Variants in CNTN4 observed in about 807,000 individuals in gnomAD.
The protein encoded by CNTN4 is contactin 4.
In CNTN4, 77 loss-of-function variants were observed where a neutral mutation model predicts 122.5. The observed-to-expected ratio is 0.63, with a 90% CI of 0.52 to 0.76. The LOEUF is 0.76. CNTN4 is among the 30% of genes least tolerant of loss of function. CNTN4 has a pLI of 0.00. For synonymous variants in CNTN4, 512 were observed against 447.0 expected, an observed-to-expected ratio of 1.15 and a Z score of -1.83; for missense variants, 1,256 against 1,259.1, an observed-to-expected ratio of 1.00 and a Z score of 0.04.
At chr3:2,142,695 A>G (rs537411904) in intron 2 of CNTN4, among the ~76,000 whole-genome samples, 1 of 152,294 alleles carries the variant, frequency 6.6e-6, no homozygotes, top group Admixed American at 6.5e-5. Context: ...ATTACCAGTT[A>G]ACAAACTACT....
chr3:2,895,816 C>T (rs898577143), intron 10 of CNTN4, among the ~76,000 whole-genome samples: 3 of 152,146 alleles, frequency 2.0e-5, no homozygotes, highest in Admixed American at 6.5e-5. Flanking sequence ...GGGCGGATCA[C>T]AAGGTCAGGA....
chr3:2,411,536 T>C (rs2047227764), intron 3 of CNTN4, among the ~76,000 whole-genome samples: 1 of 152,280 alleles, frequency 6.6e-6, no homozygotes, highest in Admixed American at 6.5e-5. Flanking sequence ...CCCTGTTTAG[T>C]TTTTTGGAAT....
intron 8 of CNTN4, among the ~76,000 whole-genome samples, chr3:2,868,880 A>G (rs1361147856): frequency 1.3e-5 from 2 of 152,172 alleles, no homozygotes; most frequent in Non-Finnish European, 1.5e-5. Context: ...TTAGACAGCC[A>G]TGGAAAGCCT....
At chr3:2,638,568 G>A (rs549653431) in intron 4 of CNTN4, among the ~76,000 whole-genome samples, 4 of 151,596 alleles carry the variant, frequency 2.6e-5, no homozygotes, top group African/African-American at 9.7e-5. Context: ...AATAAACTTT[G>A]ATACTTACCT....
chr3:2,575,981 C>T (rs923048165), intron 4 of CNTN4, among the ~76,000 whole-genome samples: 5 of 151,760 alleles, frequency 3.3e-5, no homozygotes, highest in Admixed American at 6.6e-5. Flanking sequence ...ACTACAGGCA[C>T]ATGCCACCAT....
chr3:2,785,902 C>CCCT (rs1293271501), intron 6 of CNTN4, among the ~76,000 whole-genome samples: 6 of 129,458 alleles, frequency 4.6e-5, no homozygotes, highest in Non-Finnish European at 8.4e-5. Context: ...GCTGCCCCCC[C>CCCT]CCGCCCCCCC....
At chr3:2,947,734 A>G (rs1208315507) in intron 13 of CNTN4, among the ~76,000 whole-genome samples, 8 of 152,258 alleles carry the variant, frequency 5.3e-5, no homozygotes, top group Non-Finnish European at 1.5e-5. Flanking sequence ...AGCTACAGCC[A>G]GATCCCTATC....
chr3:2,170,243 C>T, intron 2 of CNTN4, among the ~76,000 whole-genome samples: 1 of 151,860 alleles, frequency 6.6e-6, no homozygotes, highest in South Asian at 2.1e-4. Flanking sequence ...TGGCGGGAAC[C>T]CGGGAGGCGG....
intron 3 of CNTN4, among the ~76,000 whole-genome samples, chr3:2,431,628 T>C (rs1315394824): frequency 1.3e-5 from 2 of 152,158 alleles, no homozygotes; most frequent in African/African-American, 2.4e-5. Context: ...ACGTGTTATG[T>C]GTCAGTCACT....
chr3:2,715,858 T>C (rs1470918827), intron 4 of CNTN4, among the ~76,000 whole-genome samples: 1 of 152,228 alleles, frequency 6.6e-6, no homozygotes, highest in African/African-American at 2.4e-5. Flanking sequence ...TTCCTTACTT[T>C]AGATATAGGC....
intron 2 of CNTN4, among the ~76,000 whole-genome samples, chr3:2,317,715 C>A (rs377054581): frequency 6.6e-6 from 1 of 152,140 alleles, no homozygotes; most frequent in South Asian, 2.1e-4. Context: ...GGAGCTGTTA[C>A]ACTTTGTGCT....
At chr3:2,820,531 C>T (rs1304307271) in intron 7 of CNTN4, among the ~76,000 whole-genome samples, 1 of 151,994 alleles carries the variant, frequency 6.6e-6, no homozygotes, top group African/African-American at 2.4e-5. Flanking sequence ...AATTGATGGC[C>T]ATTTTCCAGC....
chr3:3,009,705 T>C (rs529887435), intron 14 of CNTN4, among the ~76,000 whole-genome samples: 2 of 152,234 alleles, frequency 1.3e-5, no homozygotes, highest in East Asian at 3.9e-4. Context: ...AGTGCTGGGA[T>C]TACAGGCGTG....
chr3:2,776,126 C>G (rs1161661531), intron 6 of CNTN4, among the ~76,000 whole-genome samples: 3 of 152,108 alleles, frequency 2.0e-5, no homozygotes, highest in Admixed American at 2.0e-4. Context: ...GACACAGACT[C>G]TAAAAGAGTG....
chr3:2,587,118 T>C (rs1319521670), intron 4 of CNTN4, among the ~76,000 whole-genome samples: 1 of 152,212 alleles, frequency 6.6e-6, no homozygotes, highest in Non-Finnish European at 1.5e-5. Context: ...TATCCATATA[T>C]TGAATGTATT....
chr3:2,689,755 T>C (rs1077308), intron 4 of CNTN4, among the ~76,000 whole-genome samples: 12,713 of 152,018 alleles, frequency 0.084, 582 homozygotes, highest in South Asian at 0.17. Flanking sequence ...CTGGCCCCAG[T>C]TTCCCCCACC....
intron 2 of CNTN4, among the ~76,000 whole-genome samples, chr3:2,221,009 G>A (rs987738064): frequency 6.6e-6 from 1 of 152,044 alleles, no homozygotes; most frequent in African/African-American, 2.4e-5. Flanking sequence ...GATTCGGACT[G>A]GGGCCATCAA....
intron 5 of CNTN4, among the ~76,000 whole-genome samples, chr3:2,744,464 G>C (rs1428378879): frequency 1.3e-5 from 2 of 152,142 alleles, no homozygotes; most frequent in Non-Finnish European, 2.9e-5. Context: ...TTATGGATTT[G>C]GATCAGTTTT....
chr3:2,728,380 G>A (rs868312316), intron 4 of CNTN4, among the ~76,000 whole-genome samples: 1 of 152,184 alleles, frequency 6.6e-6, no homozygotes, highest in Admixed American at 6.5e-5. Flanking sequence ...TGTGCCCTAC[G>A]TGTGCCCTTC....
Sources: gnomAD v4.1 joint callset for allele counts (sites outside exome capture counted in the v4.1 genomes callset) on GRCh38, gnomAD v4.1.1 for gene constraint, MANE v1.5 for transcripts, NCBI Gene and HGNC (gene_info 2026-07-23, HGNC 2026-07-21) for gene names.